RASA3: variants seen among roughly 807,000 people sequenced by gnomAD.
RASA3 encodes the protein ras GTPase-activating protein 3.
A neutral mutation model predicts 110.0 loss-of-function variants in RASA3; 73 were observed. That is an observed-to-expected ratio of 0.66 (90% CI 0.55 to 0.81). The LOEUF (loss-of-function observed/expected upper bound fraction) is 0.81. Among genes scored for constraint, RASA3 ranks in the 30% least tolerant of loss-of-function variants. The pLI, the probability that RASA3 is intolerant of heterozygous loss-of-function variation, is 0.00. For missense variants in RASA3, 976 were observed against 1,113.2 expected (o/e 0.88, Z 1.75); for synonymous variants, 500 against 451.4 (o/e 1.11, Z -1.37).
chr13:114,048,302 G>C lies in RASA3; in HGVS notation c.277+3750C>G, dbSNP rs2079086297. Among the ~76,000 whole-genome samples, 1 of 147,226 alleles carries C rather than the reference G, an allele frequency of 6.8e-6. No homozygotes were observed. Among genetic ancestry groups the C allele is most frequent in the Admixed American group, 6.8e-5 (1 of 14,722 alleles). ...TGCCCTCCAGCCTGGGCGACAGAAAGAGACTCCGTCTCAAAAAAAAAAAAA... is the reference window on the plus strand; with the variant it reads ...TGCCCTCCAGCCTGGGCGACAGAAACAGACTCCGTCTCAAAAAAAAAAAAA... On this transcript the variant is annotated intron_variant, in intron 3 of 23. Transcript: ENST00000334062. This position sits in a 1 kb window ranked among gnomAD's most constrained non-coding sequence, Gnocchi z 4.3.
intron 2 of RASA3, among the ~76,000 whole-genome samples, chr13:114,053,641 C>T (rs2079190940): frequency 6.6e-6 from 1 of 152,218 alleles, no homozygotes; most frequent in Admixed American, 6.5e-5. Flanking sequence ...CCGCACCCAT[C>T]TGTAAGGGTG....
At chr13:114,113,577 T>C (rs1422610693) in intron 1 of RASA3, among the ~76,000 whole-genome samples, 6 of 150,974 alleles carry the variant, frequency 4.0e-5, no homozygotes, top group Non-Finnish European at 7.4e-5. Context: ...CGGCGAGTGA[T>C]GTCCGTACAG....
rs543318783 is a variant in RASA3, at chr13:113,998,844, C to T, written c.1932+741G>A. Among the ~76,000 whole-genome samples, 13 of 152,352 alleles carry T rather than the reference C, an allele frequency of 8.5e-5. 1 individual carries two copies. The highest frequency in any genetic ancestry group is 8.3e-4 in the South Asian group (4 of 4,830). On this transcript the variant is annotated intron_variant, in intron 20 of 23. Transcript: ENST00000334062. Reference sequence around the variant, plus strand: ...AGACGGAGGGGGCAGCAGAATGCAGCGCAGACTGGATCCAGAGGGGAAGGA... The same window carrying T: ...AGACGGAGGGGGCAGCAGAATGCAGTGCAGACTGGATCCAGAGGGGAAGGA...
Position 114,115,357 on chromosome 13 carries a change from G to A in RASA3, c.55+17078C>T, listed in dbSNP as rs1050543826. On this transcript the variant is annotated intron_variant, in intron 1 of 23. Transcript: ENST00000334062. The surrounding 1 kb of genome is among the most constrained non-coding windows in gnomAD (Gnocchi z 5.0). ...GACACAGAGGCTGGACAGTCACACC[G>A]ACCCTTGGCCCGGGCGAGGCCACGT... 5.3e-5 allele frequency among the ~76,000 whole-genome samples: 8 copies of A among 152,200 alleles called. No individual in the cohort carries two copies. The highest frequency in any genetic ancestry group is 1.9e-4 in the East Asian group (1 of 5,198).
chr13:113,990,663 G>A (rs1376193981), intron 22 of RASA3, among the ~76,000 whole-genome samples: 2 of 152,234 alleles, frequency 1.3e-5, no homozygotes, highest in East Asian at 3.8e-4. Context: ...TGCTGGGGGA[G>A]AAGACGCTGT....
At chr13:114,051,971 CA>C in intron 3 of RASA3, 80 bp downstream of exon 3, 2 of 1,159,358 alleles carry the variant, frequency 1.7e-6, no homozygotes, top group Non-Finnish European at 2.6e-6. Context: ...ACCATCCAGC[CA>C]GGCTCTGGAC....
intron 15 of RASA3, among the ~76,000 whole-genome samples, chr13:114,012,415 C>T (rs1389934803): frequency 6.7e-6 from 1 of 149,446 alleles, no homozygotes; most frequent in Non-Finnish European, 1.5e-5. Flanking sequence ...TCCACACACA[C>T]TCCCCATTCC....
At chr13:114,024,607 G>A (rs941127459) in intron 7 of RASA3, among the ~76,000 whole-genome samples, 7 of 152,230 alleles carry the variant, frequency 4.6e-5, no homozygotes, top group East Asian at 1.9e-4. Flanking sequence ...GGCCACGGCC[G>A]GACTCTCCCA....
rs144081852 is a variant in RASA3, at chr13:114,130,244, C to G, written c.55+2191G>C. Among the ~76,000 whole-genome samples, 426 of 152,308 alleles carry G rather than the reference C, an allele frequency of 2.8e-3. 4 individuals carry two copies. The highest frequency in any genetic ancestry group is 9.7e-3 in the African/African-American group (405 of 41,566). On this transcript the variant is annotated intron_variant, in intron 1 of 23. Transcript: ENST00000334062. ...ACTTGGGGCACAGATACCCCTCAGG[C>G]AGCCAGCCCTGCAGGTGACCTCTGG...
chr13:113,999,718 G>C, intron 19 of RASA3, 51 bp from the exon 20 acceptor site: 1 of 1,525,222 alleles, frequency 6.6e-7, no homozygotes, highest in Non-Finnish European at 9.1e-7. Context: ...GTCCCGGCTG[G>C]GGTCCGGGTG....
chr13:114,099,412 G>A (rs995985667), intron 1 of RASA3, among the ~76,000 whole-genome samples: 7 of 151,866 alleles, frequency 4.6e-5, no homozygotes, highest in Non-Finnish European at 1.5e-5. Context: ...GTGCTGGGTC[G>A]GGGAGGGAGG....
At chr13:114,052,632 C>T (rs1012126551) in intron 2 of RASA3, among the ~76,000 whole-genome samples, 2 of 150,010 alleles carry the variant, frequency 1.3e-5, no homozygotes, top group African/African-American at 2.5e-5. Context: ...CCTCACTCCT[C>T]GGGGAGAGAC....
At chr13:113,992,404 T>C in intron 22 of RASA3, 81 bp downstream of exon 22, 1 of 1,128,152 alleles carries the variant, frequency 8.9e-7, no homozygotes, top group Non-Finnish European at 1.3e-6. Context: ...CCACAGGTTT[T>C]CACCCCACAG....
In RASA3 at chr13:114,115,232, C is replaced by T. The variant is rs958061278; in HGVS notation, c.55+17203G>A. Among the ~76,000 whole-genome samples the T allele has an allele frequency of 2.0e-5, 3 of 152,214 alleles. No homozygotes were observed. The highest frequency in any genetic ancestry group is 1.9e-4 in the East Asian group (1 of 5,202). Reference sequence around the variant, plus strand: ...ATTATGTCCAGCGGTAACATGTTTACGGTCCCTGTGCCGCCGTGCGGTAGC... The same window carrying T: ...ATTATGTCCAGCGGTAACATGTTTATGGTCCCTGTGCCGCCGTGCGGTAGC... On this transcript the variant is annotated intron_variant, in intron 1 of 23. Transcript: ENST00000334062. This position sits in a 1 kb window ranked among gnomAD's most constrained non-coding sequence, Gnocchi z 5.0.
intron 1 of RASA3, among the ~76,000 whole-genome samples, chr13:114,082,099 G>C (rs555530410): frequency 6.6e-6 from 1 of 152,232 alleles, no homozygotes; most frequent in African/African-American, 2.4e-5. Flanking sequence ...AGGTGGTTCT[G>C]GGTGCAGCCA....
In RASA3 at chr13:114,024,403, C is replaced by T. The variant is rs762709595; in HGVS notation, c.604-48G>A. On this transcript the variant is annotated intron_variant, in intron 7 of 23. Coordinates refer to ENST00000334062, the MANE Select transcript of RASA3 (RefSeq NM_007368.4). ...GCGCTGAGACCGCGGTGCCACCAGG[C>T]GGGGGTATATGCGGACCTAGGCCCC... 33 of 1,575,082 alleles carry T rather than the reference C, an allele frequency of 2.1e-5. No homozygotes were observed. In the African/African-American group the frequency reaches 2.2e-4, roughly 10 times the overall value.
intron 7 of RASA3, 91 bp from the exon 8 acceptor site, chr13:114,024,446 G>A (rs1184742239): frequency 8.7e-7 from 1 of 1,146,686 alleles, no homozygotes; most frequent in Admixed American, 1.7e-5. Context: ...CCTACCCTCT[G>A]CGCTTACCCA....
chr13:114,093,074 C>T (rs1444188683), intron 1 of RASA3, among the ~76,000 whole-genome samples: 2 of 152,184 alleles, frequency 1.3e-5, no homozygotes, highest in Admixed American at 6.5e-5. Context: ...TTTGATATTG[C>T]CTATCTCCTA....
At chr13:114,010,319 TC>T (rs2053603453) in intron 16 of RASA3, among the ~76,000 whole-genome samples, 3 of 151,330 alleles carry the variant, frequency 2.0e-5, no homozygotes, top group Non-Finnish European at 4.4e-5. Context: ...CCCAGCCCTC[TC>T]CAGACGGAGC....
Sources: allele counts gnomAD v4.1 joint callset (sites outside exome capture counted in the v4.1 genomes callset), GRCh38; gene constraint gnomAD v4.1.1; non-coding constraint Gnocchi (gnomAD v3.1); transcripts MANE v1.5; gene names NCBI Gene and HGNC (gene_info 2026-07-23, HGNC 2026-07-21).